The following SEL1L2 variants were observed in gnomAD, a reference collection of about 807,000 sequenced individuals.
The protein encoded by SEL1L2 is protein sel-1 homolog 2.
Under a neutral mutation model 98.8 loss-of-function variants are expected in SEL1L2, and 89 were observed. That is an observed-to-expected ratio of 0.90 (90% CI 0.76 to 1.07). SEL1L2 has a LOEUF of 1.07. Among genes scored for constraint, SEL1L2 ranks in the 50% least tolerant of loss-of-function variants. The pLI, the probability that SEL1L2 is intolerant of heterozygous loss-of-function variation, is 0.00. For synonymous variants in SEL1L2, 262 were observed against 278.5 expected (o/e 0.94, Z 0.59); for missense variants, 788 against 812.0 (o/e 0.97, Z 0.36).
rs1989709021 is a variant in SEL1L2 at position 13,859,350 on chromosome 20, T to C, written c.1730A>G (p.His577Arg). Residue 577 changes from histidine (H) to arginine (R), a missense_variant, in exon 18 of 20, where the codon CAC (histidine) becomes CGC (arginine). Physicochemically the swap from His to Arg is conservative, Grantham distance 29. Coordinates refer to ENST00000284951, the MANE Select transcript of SEL1L2 (RefSeq NM_025229.2). ...GTATTTGTTGGCTGCAATGCTGTAG[T>C]GTGTGGCTGCTGTTTGATAGTCTTT... is the stretch of plus-strand genomic sequence containing the variant. ...TKKDYQTAAT[H>R]YSIAANKYHN... The C allele has an allele frequency of 6.2e-7, 1 of 1,614,146 alleles. No individual in the cohort carries two copies. The highest frequency in any genetic ancestry group is 8.5e-7 in the Non-Finnish European group (1 of 1,179,992).
chr20:13,956,208 A>T (rs1269161701), intron 1 of SEL1L2, 77 bp from the exon 2 acceptor site: 6 of 739,748 alleles, frequency 8.1e-6, no homozygotes, highest in Middle Eastern at 3.8e-4. Flanking sequence ...ATTTATTGTT[A>T]AAAAAACTTC....
At chr20:13,962,158 A>C (rs148896900) in intron 1 of SEL1L2, among the ~76,000 whole-genome samples, 14 of 152,290 alleles carry the variant, frequency 9.2e-5, no homozygotes, top group African/African-American at 3.4e-4. Flanking sequence ...AGGGTGGACT[A>C]TTGTAGATTG....
At chr20:13,942,119 G>C (rs1421263800) in intron 2 of SEL1L2, among the ~76,000 whole-genome samples, 2 of 152,152 alleles carry the variant, frequency 1.3e-5, no homozygotes, top group African/African-American at 4.8e-5. Flanking sequence ...AGACTAGCTG[G>C]TCACCTTCTC....
chr20:13,853,549 T>C (rs1265482957), intron 18 of SEL1L2, among the ~76,000 whole-genome samples: 3 of 152,174 alleles, frequency 2.0e-5, no homozygotes, highest in Non-Finnish European at 4.4e-5. Flanking sequence ...CAGAGTATAT[T>C]GTAATAATGG....
chr20:13,865,394 C>G lies in SEL1L2; in HGVS notation c.1525G>C (p.Gly509Arg). 2 of 1,614,080 alleles carry G rather than the reference C, an allele frequency of 1.2e-6. No homozygotes were observed. The highest frequency in any genetic ancestry group is 1.1e-5 in the South Asian group (1 of 91,082). The change falls in exon 16 of 20, where the codon GGG (glycine) becomes CGG (arginine). Residue 509 changes from glycine to arginine, a missense_variant. By Grantham distance (125) the Gly-to-Arg change is moderately radical. Transcript: ENST00000284951. ...GAATTGCTTTGAGCTACTTCATACC[C>G]CATTTCTGCAAGCAGTGCATACTGA... ...LVQYALLAEM[G>R]YEVAQSNSAF...
intron 5 of SEL1L2, among the ~76,000 whole-genome samples, chr20:13,902,758 G>C (rs2047738705): frequency 6.6e-6 from 1 of 152,174 alleles, no homozygotes; most frequent in Non-Finnish European, 1.5e-5. Flanking sequence ...TTTGAGAGGA[G>C]AGAGTTAATA....
At chr20:13,891,395 G>A (rs189417240) in intron 5 of SEL1L2, among the ~76,000 whole-genome samples, 126 of 152,208 alleles carry the variant, frequency 8.3e-4, no homozygotes, top group Admixed American at 6.9e-3. Context: ...CAGGCCAGGC[G>A]CAGTGGTGCA....
chr20:13,909,335 A>G (rs1175012170), intron 5 of SEL1L2, among the ~76,000 whole-genome samples: 1 of 152,198 alleles, frequency 6.6e-6, no homozygotes, highest in Non-Finnish European at 1.5e-5. Flanking sequence ...CCATCAAACT[A>G]TTGTTTGTGG....
At chr20:13,892,737 T>C (rs1488955282) in intron 5 of SEL1L2, among the ~76,000 whole-genome samples, 3 of 152,094 alleles carry the variant, frequency 2.0e-5, no homozygotes, top group Non-Finnish European at 4.4e-5. Flanking sequence ...AGATATAGAG[T>C]GACTGAATGA....
intron 1 of SEL1L2, among the ~76,000 whole-genome samples, chr20:13,973,103 T>C (rs953936980): frequency 2.0e-5 from 3 of 152,218 alleles, no homozygotes; most frequent in African/African-American, 7.2e-5. Context: ...GTGAGGGAAT[T>C]TCTCAGTTTG....
chr20:13,961,166 A>G (rs1261881305), intron 1 of SEL1L2, among the ~76,000 whole-genome samples: 1 of 152,218 alleles, frequency 6.6e-6, no homozygotes, highest in Admixed American at 6.5e-5. Flanking sequence ...ATTCAAATGC[A>G]GGTCTGACTC....
chr20:13,902,836 G>A (rs1004771281), intron 5 of SEL1L2, among the ~76,000 whole-genome samples: 1 of 151,988 alleles, frequency 6.6e-6, no homozygotes, highest in African/African-American at 2.4e-5. Flanking sequence ...GTAAAATTCC[G>A]GCCAGGCGCG....
intron 1 of SEL1L2, among the ~76,000 whole-genome samples, chr20:13,978,897 A>G (rs1457260062): frequency 6.6e-6 from 1 of 152,036 alleles, no homozygotes; most frequent in African/African-American, 2.4e-5. Context: ...CGCCTCTACT[A>G]AGAATACAAA....
intron 2 of SEL1L2, among the ~76,000 whole-genome samples, chr20:13,949,692 A>T (rs2050178567): frequency 7.0e-6 from 1 of 143,748 alleles, no homozygotes. Context: ...AAACAACAAA[A>T]AAAACCAAAC....
At chr20:13,934,942 A>T (rs1024749969) in intron 2 of SEL1L2, among the ~76,000 whole-genome samples, 12 of 152,138 alleles carry the variant, frequency 7.9e-5, no homozygotes, top group Admixed American at 7.9e-4. Context: ...GAGAACATGG[A>T]TTTTGATAAG....
In SEL1L2 at chr20:13,894,680, C is replaced by G. The variant is rs930823334; in HGVS notation, c.550-6168G>C. ...GAAAGAGGAGACATTACAAATGATG[C>G]CACAGTAATAAAAAGGATCATACTG... On this transcript the variant is annotated intron_variant, in intron 5 of 19. Transcript: ENST00000284951. Among the ~76,000 whole-genome samples, 10 of 152,222 alleles carry G rather than the reference C, an allele frequency of 6.6e-5. No homozygotes were observed. In the East Asian group the frequency reaches 1.7e-3, roughly 26 times the overall value.
chr20:13,886,231 A>G, intron 9 of SEL1L2, 57 bp downstream of exon 9: 1 of 1,337,122 alleles, frequency 7.5e-7, no homozygotes, highest in Non-Finnish European at 1.0e-6. Context: ...CTCAGAAAGA[A>G]TTAAGCCCCT....
chr20:13,851,345 T>C (rs1456465707), intron 18 of SEL1L2: 2 of 152,210 alleles, frequency 1.3e-5, no homozygotes, highest in African/African-American at 4.8e-5. Context: ...TTCTAGAATT[T>C]ATTTATTCAT....
chr20:13,957,045 G>C (rs2050572020), intron 1 of SEL1L2, among the ~76,000 whole-genome samples: 1 of 151,722 alleles, frequency 6.6e-6, no homozygotes, highest in African/African-American at 2.4e-5. Flanking sequence ...TTTAAGAACA[G>C]GTCATAAATT....
Sources: gnomAD v4.1 joint callset for allele counts (sites outside exome capture counted in the v4.1 genomes callset) on GRCh38, gnomAD v4.1.1 for gene constraint, MANE v1.5 for transcripts, NCBI Gene and HGNC (gene_info 2026-07-23, HGNC 2026-07-21) for gene names.